Variants in ANKRD30B observed in about 807,000 individuals in gnomAD.
ANKRD30B encodes the protein ankyrin repeat domain-containing protein 30B.
ANKRD30B carries 144 observed loss-of-function variants against 202.2 expected under a neutral mutation model. The observed-to-expected ratio is 0.71, with a 90% CI of 0.62 to 0.82. The LOEUF is 0.82. Ranked by LOEUF, ANKRD30B falls within the 40% of genes least tolerant of loss-of-function variation. ANKRD30B has a pLI of 0.00. For synonymous variants in ANKRD30B, 508 were observed against 561.3 expected, an observed-to-expected ratio of 0.91 and a Z score of 1.34; for missense variants, 1,487 against 1,669.1, an observed-to-expected ratio of 0.89 and a Z score of 1.90.
the ANKRD30B span, among the ~76,000 whole-genome samples, chr18:14,932,493 C>T: frequency 6.6e-5 from 10 of 152,006 alleles, no homozygotes; most frequent in South Asian, 1.9e-3. Flanking sequence ...CCCGCCACCG[C>T]GCCCGGCTAA....
At chr18:14,919,287 C>A in the ANKRD30B span, among the ~76,000 whole-genome samples, 2 of 152,326 alleles carry the variant, frequency 1.3e-5, no homozygotes, top group South Asian at 4.1e-4. Flanking sequence ...ATTTCCTTCA[C>A]CCGCATTTGG....
In ANKRD30B at chr18:14,787,035, A is replaced by G. The variant is rs1157795817; in HGVS notation, c.1673-4A>G. 3 of 1,607,816 alleles carry G rather than the reference A, an allele frequency of 1.9e-6. No homozygotes were observed. The highest frequency in any genetic ancestry group is 1.7e-5 in the Admixed American group (1 of 59,572). ...TGAATACATCTGTGATTAACCTTTT[A>G]TAGCTCAGATGTTCCCATCAGAATC... On this transcript the variant is annotated splice_polypyrimidine_tract_variant and splice_region_variant and intron_variant, in intron 14 of 43. Coordinates refer to ENST00000690538, the MANE Select transcript of ANKRD30B (RefSeq NM_001367607.2).
chr18:14,787,133 G>C (rs770561391), intron 15 of ANKRD30B, 33 bp downstream of exon 15: 1 of 1,562,452 alleles, frequency 6.4e-7, no homozygotes, highest in Non-Finnish European at 8.8e-7. Flanking sequence ...TTAAATATTA[G>C]TATTGCATGA....
chr18:14,884,352 C>CGTA, the ANKRD30B span, among the ~76,000 whole-genome samples: 5 of 152,200 alleles, frequency 3.3e-5, no homozygotes, highest in South Asian at 1.0e-3. Flanking sequence ...CCTGGCTACA[C>CGTA]CTTGATTGCA....
intron 32 of ANKRD30B, among the ~76,000 whole-genome samples, chr18:14,826,916 C>A (rs181404369): frequency 6.6e-6 from 1 of 152,184 alleles, no homozygotes; most frequent in East Asian, 1.9e-4. Context: ...TAAAATATAA[C>A]AATAACAATA....
Position 14,829,528 on chromosome 18 carries a change from A to G in ANKRD30B, c.2774+1220A>G, listed in dbSNP as rs543985078. ...GGAAAGGCCAAGTTTGAAGAGAAACAATCCCAGGATTGGTAGGAGTAAGGG... is the reference window on the plus strand; with the variant it reads ...GGAAAGGCCAAGTTTGAAGAGAAACGATCCCAGGATTGGTAGGAGTAAGGG... On this transcript the variant is annotated intron_variant, in intron 33 of 43. Transcript: ENST00000690538. Among the ~76,000 whole-genome samples the G allele has an allele frequency of 8.5e-5, 13 of 152,312 alleles. 1 individual carries two copies. In the South Asian group the frequency reaches 2.7e-3, roughly 32 times the overall value.
chr18:14,915,419 C>T, the ANKRD30B span: 9 of 152,200 alleles, frequency 5.9e-5, no homozygotes, highest in African/African-American at 1.9e-4. Context: ...GTTTCCACAG[C>T]AAGTCCTTGA....
the ANKRD30B span, among the ~76,000 whole-genome samples, chr18:14,901,721 G>A: frequency 2.6e-5 from 4 of 152,028 alleles, no homozygotes; most frequent in Non-Finnish European, 5.9e-5. Context: ...TATATTATTA[G>A]CATAACTTCA....
At chr18:14,866,499 T>A in the ANKRD30B span, among the ~76,000 whole-genome samples, 1 of 152,218 alleles carries the variant, frequency 6.6e-6, no homozygotes, top group Admixed American at 6.5e-5. Context: ...GAGCTGCTCT[T>A]GACCAGCTAG....
chr18:14,760,583 G>T lies in ANKRD30B; in HGVS notation c.785G>T (p.Arg262Leu), dbSNP rs772268065. 3 of 1,528,160 alleles carry T rather than the reference G, an allele frequency of 2.0e-6. No homozygotes were observed. The highest frequency in any genetic ancestry group is 2.1e-5 in the Admixed American group (1 of 48,412). The allele number at this position is 1,528,160 out of a possible 1,614,324, so 94.7% of individuals were successfully genotyped here. A position where few individuals can be genotyped will look rare whatever the true frequency, so the allele number is the denominator to read the frequency against. Residue 262 changes from arginine to leucine, a missense_variant, in exon 6 of 44, where the codon CGA becomes CTA. Around this residue, in one of 6 missense-constraint regions of ANKRD30B, gnomAD observed 889 missense variants for 841.4 expected, o/e 1.06. Transcript: ENST00000690538. ...CATCAACAACTTTTGGAACATATACGAAAATTACCTAAAAATCCTCAAAAT... is the reference window on the plus strand; with the variant it reads ...CATCAACAACTTTTGGAACATATACTAAAATTACCTAAAAATCCTCAAAAT... ...YIHQQLLEHI[R>L]KLPKNPQNTN...
At chr18:14,891,097 T>C in the ANKRD30B span, among the ~76,000 whole-genome samples, 2 of 152,276 alleles carry the variant, frequency 1.3e-5, no homozygotes, top group South Asian at 4.1e-4. Flanking sequence ...GAAGGTATAG[T>C]GCTGAGACAT....
chr18:14,791,535 T>C (rs1296432773), intron 16 of ANKRD30B, 44 bp downstream of exon 16: 2 of 1,453,478 alleles, frequency 1.4e-6, no homozygotes, highest in East Asian at 4.6e-5. Context: ...ACCAAATATT[T>C]ATCTAAACTG....
At chr18:14,805,113 G>C (rs1204027503) in intron 24 of ANKRD30B, among the ~76,000 whole-genome samples, 1 of 150,486 alleles carries the variant, frequency 6.6e-6, no homozygotes, top group Non-Finnish European at 1.5e-5. Context: ...ATTTGAATAA[G>C]ACATACTAGA....
chr18:14,878,043 T>C, the ANKRD30B span: 4 of 152,214 alleles, frequency 2.6e-5, no homozygotes, highest in African/African-American at 9.7e-5. Context: ...CACACTGAGC[T>C]AAGCAGCAAA....
chr18:14,791,345 C>A (rs1968491432), intron 15 of ANKRD30B, 56 bp from the exon 16 acceptor site: 8 of 1,429,028 alleles, frequency 5.6e-6, no homozygotes, highest in Non-Finnish European at 7.7e-6. Context: ...AATTTTGATA[C>A]TCTTCATTAC....
intron 12 of ANKRD30B, 133 bp downstream of exon 12, chr18:14,782,747 TAA>T (rs1326849775): frequency 7.6e-6 from 4 of 524,434 alleles, no homozygotes; most frequent in Admixed American, 4.0e-5. Flanking sequence ...AGTAAAATGA[TAA>T]GTTATGTATC....
intron 8 of ANKRD30B, among the ~76,000 whole-genome samples, chr18:14,771,009 G>A (rs1477192881): frequency 1.3e-5 from 2 of 152,166 alleles, no homozygotes; most frequent in Non-Finnish European, 2.9e-5. Flanking sequence ...CCAAGCCTCA[G>A]ATGTCCTACC....
chr18:14,815,643 C>T (rs889393389), intron 30 of ANKRD30B, among the ~76,000 whole-genome samples: 4 of 152,050 alleles, frequency 2.6e-5, no homozygotes, highest in African/African-American at 9.7e-5. Context: ...TGTTTTTAGC[C>T]AGAGAAGAAG....
intron 9 of ANKRD30B, among the ~76,000 whole-genome samples, chr18:14,772,500 A>G (rs1468918179): frequency 1.3e-5 from 2 of 152,120 alleles, no homozygotes; most frequent in African/African-American, 2.4e-5. Context: ...TTATACTAGA[A>G]AAAACTTTTC....
Sources: allele counts gnomAD v4.1 joint callset (sites outside exome capture counted in the v4.1 genomes callset), GRCh38; gene constraint gnomAD v4.1.1; regional missense constraint gnomAD v4.1.1; transcripts MANE v1.5; gene names NCBI Gene and HGNC (gene_info 2026-07-23, HGNC 2026-07-21).